Variants in GDI2 observed in about 807,000 individuals in gnomAD.
GDI2 encodes the protein GDP dissociation inhibitor 2, also known as rab GDP dissociation inhibitor beta.
In GDI2, 22 loss-of-function variants were observed where a neutral mutation model predicts 54.2. The ratio of observed to expected loss-of-function variants is 0.41; its 90% CI spans 0.29 to 0.58. The LOEUF (loss-of-function observed/expected upper bound fraction) is 0.58. GDI2 is among the 20% of genes least tolerant of loss of function. The probability of loss-of-function intolerance (pLI) is 0.35; values close to 1 mark genes in which losing one functional copy is unlikely to be tolerated. For synonymous variants in GDI2, 177 were observed against 182.1 expected, an observed-to-expected ratio of 0.97 and a Z score of 0.23; for missense variants, 422 against 546.0, an observed-to-expected ratio of 0.77 and a Z score of 2.26.
chr10:5,785,135 C>T lies in GDI2; in HGVS notation c.719+7G>A, dbSNP rs751034555. 4 of 1,581,984 alleles carry T rather than the reference C, an allele frequency of 2.5e-6. No individual in the cohort carries two copies. The highest frequency in any genetic ancestry group is 2.7e-5 in the African/African-American group (2 of 73,498). Reference sequence around the variant, plus strand: ...GGATCACTGAGGTTTTAAACACAGGCTCTTACCTTGCAAATCCTTGGGGCA... The same window carrying T: ...GGATCACTGAGGTTTTAAACACAGGTTCTTACCTTGCAAATCCTTGGGGCA... On this transcript the variant is annotated splice_region_variant and intron_variant, in intron 6 of 10. Coordinates refer to ENST00000380191, the MANE Select transcript of GDI2 (RefSeq NM_001494.4).
intron 7 of GDI2, among the ~76,000 whole-genome samples, chr10:5,773,366 G>C (rs1840543529): frequency 6.6e-6 from 1 of 151,946 alleles, no homozygotes; most frequent in African/African-American, 2.4e-5. Context: ...TTTTTTCCTT[G>C]TGATTTTTTT....
intron 4 of GDI2, among the ~76,000 whole-genome samples, chr10:5,792,067 G>C (rs1054048785): frequency 1.3e-5 from 2 of 152,118 alleles, no homozygotes; most frequent in African/African-American, 4.8e-5. Flanking sequence ...GGAGACTCAA[G>C]TATTTACTTT....
intron 6 of GDI2, among the ~76,000 whole-genome samples, chr10:5,781,551 G>A (rs1380703382): frequency 6.7e-6 from 1 of 150,134 alleles, no homozygotes; most frequent in Non-Finnish European, 1.5e-5. Context: ...CGTGAACCCA[G>A]GAGGCAGAGC....
At chr10:5,797,608 G>A (rs145027213) in intron 2 of GDI2, among the ~76,000 whole-genome samples, 1,832 of 143,142 alleles carry the variant, frequency 0.013, 44 homozygotes, top group African/African-American at 0.044. Context: ...CCAGCTACTC[G>A]AGAGGCTGAG....
rs1840414781 is a variant in GDI2, at chr10:5,768,693, A to G, written c.820-309T>C. 1 of 219,322 alleles carries G rather than the reference A, an allele frequency of 4.6e-6. No homozygotes were observed. Among genetic ancestry groups the G allele is most frequent in the Non-Finnish European group, 8.9e-6 (1 of 111,822 alleles). 13.6% of individuals were successfully genotyped at this position (219,322 alleles called of 1,614,324 possible). A position where few individuals can be genotyped will look rare whatever the true frequency, so the allele number is the denominator to read the frequency against. Reference sequence around the variant, plus strand: ...AAACCCTCGCATCCACAGTACAGTGATTTTTGACAAAGTTGCAAAGACCAT... The same window carrying G: ...AAACCCTCGCATCCACAGTACAGTGGTTTTTGACAAAGTTGCAAAGACCAT... On this transcript the variant is annotated intron_variant, in intron 7 of 10. Coordinates refer to ENST00000380191, the MANE Select transcript of GDI2 (RefSeq NM_001494.4). The surrounding 1 kb of genome is among the most constrained non-coding windows in gnomAD (Gnocchi z 4.4).
intron 4 of GDI2, among the ~76,000 whole-genome samples, chr10:5,793,891 C>T (rs765907871): frequency 2.0e-5 from 3 of 151,792 alleles, no homozygotes; most frequent in African/African-American, 4.8e-5. Context: ...AGGCTGGGCG[C>T]GGTGGCTCAT....
At chr10:5,775,894 G>A (rs112101817) in intron 6 of GDI2, among the ~76,000 whole-genome samples, 10 of 152,186 alleles carry the variant, frequency 6.6e-5, no homozygotes, top group Non-Finnish European at 8.8e-5. Context: ...CAGTGCTGGA[G>A]GAGGAAGTGG....
intron 4 of GDI2, among the ~76,000 whole-genome samples, chr10:5,786,847 C>T (rs1302778106): frequency 1.3e-5 from 2 of 152,186 alleles, no homozygotes; most frequent in African/African-American, 2.4e-5. Flanking sequence ...GATAAAATTT[C>T]GATGCTGCTG....
chr10:5,800,572 G>A (rs945227734), intron 2 of GDI2, 26 bp downstream of exon 2: 1 of 961,996 alleles, frequency 1.0e-6, no homozygotes, highest in African/African-American at 1.6e-5. Context: ...AGTGTGAGAG[G>A]CGTATGAAAT....
Position 5,776,776 on chromosome 10 carries a change from C to A in GDI2, c.720-2835G>T. ...CCAGGAAAGCCAAGGACATTCCAAT[C>A]CCCAATCTTCCTCCCTTGGATTTTC... On this transcript the variant is annotated intron_variant, in intron 6 of 10. Transcript: ENST00000380191. This position sits in a 1 kb window ranked among gnomAD's most constrained non-coding sequence, Gnocchi z 5.3. 1.3e-6 allele frequency: 2 copies of A among 1,537,386 alleles called. No homozygotes were observed. Among genetic ancestry groups the A allele is most frequent in the East Asian group, 4.5e-5 (2 of 44,350 alleles).
chr10:5,784,141 G>A (rs182098700), intron 6 of GDI2, among the ~76,000 whole-genome samples: 1 of 152,050 alleles, frequency 6.6e-6, no homozygotes, highest in African/African-American at 2.4e-5. Flanking sequence ...ATTCTTTTTT[G>A]TCTTTGTCAG....
At chr10:5,791,943 T>A (rs1444470662) in intron 4 of GDI2, among the ~76,000 whole-genome samples, 1 of 151,806 alleles carries the variant, frequency 6.6e-6, no homozygotes, top group Non-Finnish European at 1.5e-5. Flanking sequence ...AGAAAACATC[T>A]GGGATACTGT....
rs915010719 is a variant in GDI2 at position 5,787,187 on chromosome 10, C to T, written c.389-1137G>A. Among the ~76,000 whole-genome samples, 93 of 152,110 alleles carry T rather than the reference C, an allele frequency of 6.1e-4. 3 individuals are homozygous for T. Among genetic ancestry groups the T allele is most frequent in the Non-Finnish European group, 1.5e-5 (1 of 68,028 alleles). On this transcript the variant is annotated intron_variant, in intron 4 of 10. Transcript: ENST00000380191. ...TAATATTACATCCAAGATCATTTTC[C>T]AGCCAACAAAACTGAAAATTAAAAC...
intron 4 of GDI2, among the ~76,000 whole-genome samples, chr10:5,786,975 T>G (rs1319432465): frequency 1.3e-5 from 2 of 152,182 alleles, no homozygotes; most frequent in Non-Finnish European, 2.9e-5. Flanking sequence ...TCCTCAGCTT[T>G]TATTACTAGG....
rs1326993769 is a variant in GDI2 at position 5,768,171 on chromosome 10, C to G, written c.991+42G>C. On this transcript the variant is annotated intron_variant, in intron 8 of 10. Coordinates refer to ENST00000380191, the MANE Select transcript of GDI2 (RefSeq NM_001494.4). This position sits in a 1 kb window ranked among gnomAD's most constrained non-coding sequence, Gnocchi z 4.4. Reference sequence around the variant, plus strand: ...GGATAAAACACAAAGCAAATTATATCTTACAAAATTCTACCAACATCTGCT... The same window carrying G: ...GGATAAAACACAAAGCAAATTATATGTTACAAAATTCTACCAACATCTGCT... The G allele has an allele frequency of 2.6e-6, 4 of 1,536,478 alleles. No individual in the cohort carries two copies. The highest frequency in any genetic ancestry group is 1.8e-6 in the Non-Finnish European group (2 of 1,113,124).
chr10:5,808,655 AAC>A (rs1176914677), intron 1 of GDI2, among the ~76,000 whole-genome samples: 2 of 151,344 alleles, frequency 1.3e-5, no homozygotes, highest in Non-Finnish European at 2.9e-5. Flanking sequence ...CAGCCTGGGT[AAC>A]AGAGAGCTCT....
At chr10:5,805,592 C>T (rs976948040) in intron 1 of GDI2, among the ~76,000 whole-genome samples, 2 of 152,030 alleles carry the variant, frequency 1.3e-5, no homozygotes, top group African/African-American at 4.8e-5. Context: ...TGTAGCCCAG[C>T]CTTGGCCTTG....
At chr10:5,783,411 T>C (rs1840805246) in intron 6 of GDI2, among the ~76,000 whole-genome samples, 1 of 152,212 alleles carries the variant, frequency 6.6e-6, no homozygotes, top group Non-Finnish European at 1.5e-5. Context: ...TGCTATTCTG[T>C]ATCTTTAAAG....
chr10:5,791,775 G>A, intron 4 of GDI2, among the ~76,000 whole-genome samples: 1 of 151,630 alleles, frequency 6.6e-6, no homozygotes, highest in Non-Finnish European at 1.5e-5. Flanking sequence ...AATAAGCCAG[G>A]TGTGGTGGCG....
Sources: gnomAD v4.1 joint callset for allele counts (sites outside exome capture counted in the v4.1 genomes callset) on GRCh38, gnomAD v4.1.1 for gene constraint, Gnocchi (gnomAD v3.1) non-coding constraint, MANE v1.5 for transcripts, NCBI Gene and HGNC (gene_info 2026-07-23, HGNC 2026-07-21) for gene names.